CDC14A: variants seen among roughly 807,000 people sequenced by gnomAD.
The protein encoded by CDC14A is dual specificity protein phosphatase CDC14A.
Under a neutral mutation model 74.4 loss-of-function variants are expected in CDC14A, and 53 were observed. The observed-to-expected ratio is 0.71, with a 90% CI of 0.57 to 0.89. The LOEUF is 0.89. Among genes scored for constraint, CDC14A ranks in the 40% least tolerant of loss-of-function variants. The probability of loss-of-function intolerance (pLI) is 0.00; values close to 1 mark genes in which losing one functional copy is unlikely to be tolerated. For missense variants in CDC14A, 646 were observed against 713.7 expected (o/e 0.91, Z 1.08); for synonymous variants, 247 against 258.4 (o/e 0.96, Z 0.43).
At chr1:100,502,576 G>A (rs760948161) in intron 15 of CDC14A, among the ~76,000 whole-genome samples, 2 of 152,218 alleles carry the variant, frequency 1.3e-5, no homozygotes, top group Admixed American at 1.3e-4. Context: ...TTGTCATTAA[G>A]TGATGCATGA....
At chr1:100,387,008 T>G (rs1290360876) in intron 3 of CDC14A, among the ~76,000 whole-genome samples, 1 of 147,970 alleles carries the variant, frequency 6.8e-6, no homozygotes, top group African/African-American at 2.7e-5. Context: ...GAAAAAACAT[T>G]AAAGAGTTTT....
At chr1:100,363,629 T>A (rs1653115981) in intron 2 of CDC14A, among the ~76,000 whole-genome samples, 1 of 151,272 alleles carries the variant, frequency 6.6e-6, no homozygotes, top group Non-Finnish European at 1.5e-5. Context: ...TTTTTTTTTA[T>A]AAAATTTAAT....
At chr1:100,413,758 T>C (rs1050799318) in intron 4 of CDC14A, among the ~76,000 whole-genome samples, 1 of 152,206 alleles carries the variant, frequency 6.6e-6, no homozygotes, top group African/African-American at 2.4e-5. Context: ...TCCTCTCATA[T>C]TTGCCCTGCT....
In CDC14A at chr1:100,462,899, G is replaced by A. The variant is rs769842637; in HGVS notation, c.838+18G>A. On this transcript the variant is annotated intron_variant, in intron 9 of 15. Transcript: ENST00000336454. The stretch of plus-strand genomic sequence containing the variant: ...CTGCAAAGGTGTGTGCAAGGCCTCG[G>A]TGGTGGTGGCTGTGCTTATCGAAGG... The A allele has an allele frequency of 6.3e-7, 1 of 1,590,452 alleles. No individual in the cohort carries two copies. Among genetic ancestry groups the A allele is most frequent in the African/African-American group, 1.3e-5 (1 of 74,440 alleles).
At chr1:100,386,845 T>A (rs1656941094) in intron 3 of CDC14A, among the ~76,000 whole-genome samples, 1 of 152,228 alleles carries the variant, frequency 6.6e-6, no homozygotes, top group Non-Finnish European at 1.5e-5. Flanking sequence ...ATGGTAAAGT[T>A]CTTCCATGAA....
chr1:100,412,711 T>TATA lies in CDC14A; in HGVS notation c.310-11510_310-11508dup, dbSNP rs1553178950. ...CCTGTATGTTTTATATATATATATA[T>TATA]ATATATATATATTTTATATATATAT... On this transcript the variant is annotated intron_variant, in intron 4 of 15. Coordinates refer to ENST00000336454, the MANE Select transcript of CDC14A (RefSeq NM_003672.4). Among the ~76,000 whole-genome samples the TATA allele has an allele frequency of 1.2e-4, 12 of 98,036 alleles. 1 individual carries two copies. In the East Asian group the frequency reaches 2.2e-3, roughly 18 times the overall value. The allele number at this position is 98,036 out of a possible 152,430, so 64.3% of individuals were successfully genotyped here. A position where few individuals can be genotyped will look rare whatever the true frequency, so the allele number is the denominator to read the frequency against.
intron 2 of CDC14A, among the ~76,000 whole-genome samples, chr1:100,356,858 T>TAAAA (rs11448846): frequency 8.2e-4 from 58 of 70,766 alleles, no homozygotes; most frequent in African/African-American, 3.2e-3. Context: ...AGACTCTGTC[T>TAAAA]AAAAAAAAAA....
chr1:100,450,046 A>G (rs1246699932), intron 7 of CDC14A, among the ~76,000 whole-genome samples: 2 of 152,066 alleles, frequency 1.3e-5, no homozygotes, highest in Middle Eastern at 3.4e-3. Flanking sequence ...TATTTACAAC[A>G]CAGATTGCTA....
chr1:100,440,788 T>C (rs535883324), intron 6 of CDC14A, among the ~76,000 whole-genome samples: 4 of 152,196 alleles, frequency 2.6e-5, no homozygotes, highest in Non-Finnish European at 4.4e-5. Flanking sequence ...TTGCTGTGTT[T>C]TGAGTTGAGA....
chr1:100,378,380 A>C (rs1454885735), intron 3 of CDC14A, among the ~76,000 whole-genome samples: 3 of 152,232 alleles, frequency 2.0e-5, no homozygotes, highest in Non-Finnish European at 4.4e-5. Flanking sequence ...TTTGAAAGAC[A>C]AAATGCTATA....
chr1:100,382,629 A>C (rs931997747), intron 3 of CDC14A, among the ~76,000 whole-genome samples: 3 of 152,036 alleles, frequency 2.0e-5, no homozygotes, highest in Non-Finnish European at 4.4e-5. Context: ...AAAAGGGGAC[A>C]TTTTCTAGGG....
rs1420823843 is a variant in CDC14A at position 100,420,053 on chromosome 1, C to CAT, written c.310-4168_310-4167insTA. 3.4e-3 allele frequency among the ~76,000 whole-genome samples: 63 copies of CAT among 18,362 alleles called. 1 individual carries two copies. The highest frequency in any genetic ancestry group is 7.0e-3 in the African/African-American group (36 of 5,162). The allele number at this position is 18,362 out of a possible 152,430, so 12.0% of individuals were successfully genotyped here. On this transcript the variant is annotated intron_variant, in intron 4 of 15. Coordinates refer to ENST00000336454, the MANE Select transcript of CDC14A (RefSeq NM_003672.4). ...ATATACACACACACACACACACACACACACACACACATATATATATATATA... is the reference window on the plus strand; with the variant it reads ...ATATACACACACACACACACACACACATACACACACACATATATATATATATA...
chr1:100,408,152 G>A (rs1971779), intron 4 of CDC14A, among the ~76,000 whole-genome samples: 19,242 of 152,134 alleles, frequency 0.13, 1,443 homozygotes, highest in Non-Finnish European at 0.16. Flanking sequence ...CAGCTTATAA[G>A]TGAGAATATG....
At chr1:100,511,076 C>G (rs1368175955) in intron 15 of CDC14A, among the ~76,000 whole-genome samples, 3 of 151,934 alleles carry the variant, frequency 2.0e-5, no homozygotes, top group Non-Finnish European at 4.4e-5. Flanking sequence ...AATGATAACT[C>G]TACCTACCTG....
intron 2 of CDC14A, among the ~76,000 whole-genome samples, chr1:100,363,614 C>CTTTT (rs35415515): frequency 9.2e-5 from 13 of 141,744 alleles, no homozygotes; most frequent in African/African-American, 3.3e-4. Context: ...TTAGACTTCT[C>CTTTT]TTTTTTTTTT....
intron 7 of CDC14A, among the ~76,000 whole-genome samples, chr1:100,450,683 C>T (rs1415620303): frequency 2.0e-5 from 3 of 152,242 alleles, no homozygotes; most frequent in African/African-American, 4.8e-5. Context: ...GTATCTGTTA[C>T]ACCCATTGCT....
intron 4 of CDC14A, among the ~76,000 whole-genome samples, chr1:100,420,053 C>CAATATATATATAT (rs1420823843): frequency 5.4e-5 from 1 of 18,394 alleles, no homozygotes; most frequent in East Asian, 1.8e-3. Context: ...CACACACACA[C>CAATATATATATAT]ACACACACAC....
At chr1:100,504,285 A>G (rs947402798) in intron 15 of CDC14A, among the ~76,000 whole-genome samples, 1 of 152,194 alleles carries the variant, frequency 6.6e-6, no homozygotes, top group African/African-American at 2.4e-5. Flanking sequence ...GGATATTCTC[A>G]TAGTGAAGGT....
In CDC14A at chr1:100,518,386, C is replaced by T. The variant is rs1650414730; in HGVS notation, c.*106C>T. 2 of 869,566 alleles carry T rather than the reference C, an allele frequency of 2.3e-6. No homozygotes were observed. The highest frequency in any genetic ancestry group is 3.8e-6 in the Non-Finnish European group (2 of 521,078). 53.9% of individuals were successfully genotyped at this position (869,566 alleles called of 1,614,324 possible). On this transcript the variant is annotated 3_prime_UTR_variant, in exon 16 of 16. Transcript: ENST00000336454. Reference sequence around the variant, plus strand: ...CTTCTTGCTGGAAGAATATCTCTGCCTTCTTACCTTAAATTAAAAAGAGCA... The same window carrying T: ...CTTCTTGCTGGAAGAATATCTCTGCTTTCTTACCTTAAATTAAAAAGAGCA...
Sources: gnomAD v4.1 joint callset for allele counts (sites outside exome capture counted in the v4.1 genomes callset) on GRCh38, gnomAD v4.1.1 for gene constraint, MANE v1.5 for transcripts, NCBI Gene and HGNC (gene_info 2026-07-23, HGNC 2026-07-21) for gene names.